The following CDH4 variants were observed in gnomAD, a reference collection of about 807,000 sequenced individuals.
CDH4 encodes the protein cadherin 4.
CDH4 carries 33 observed loss-of-function variants against 86.0 expected under a neutral mutation model. The observed-to-expected ratio is 0.38, with a 90% confidence interval of 0.29 to 0.51. CDH4 has a LOEUF of 0.51. CDH4 is among the 20% of genes least tolerant of loss of function. CDH4 has a pLI of 0.86. For missense variants in CDH4, 1,114 were observed against 1,307.4 expected, an observed-to-expected ratio of 0.85 and a Z score of 2.28; for synonymous variants, 555 against 549.4, an observed-to-expected ratio of 1.01 and a Z score of -0.14.
intron 2 of CDH4, among the ~76,000 whole-genome samples, chr20:61,497,694 A>G (rs1028744617): frequency 3.9e-5 from 6 of 152,190 alleles, no homozygotes; most frequent in African/African-American, 1.4e-4. Context: ...TGACCCAGCC[A>G]TCCTATTACT....
chr20:61,497,973 C>G (rs533314550), intron 2 of CDH4, among the ~76,000 whole-genome samples: 2 of 147,932 alleles, frequency 1.4e-5, no homozygotes, highest in African/African-American at 5.0e-5. Flanking sequence ...AACCAAACAC[C>G]GCATGTTCTC....
intron 2 of CDH4, among the ~76,000 whole-genome samples, chr20:61,574,785 C>T (rs1440525152): frequency 6.6e-6 from 1 of 152,108 alleles, no homozygotes; most frequent in Admixed American, 6.5e-5. Context: ...CTCTGGACCC[C>T]TTATAAAGCT....
Position 61,782,556 on chromosome 20 carries a change from A to G in CDH4, c.576+9374A>G, listed in dbSNP as rs1269121127. ...TTTAAAAAGCTGACTATTTAAAGCAAAAGTACAGCATTGTATTAGGGAGTT... is the reference window on the plus strand; with the variant it reads ...TTTAAAAAGCTGACTATTTAAAGCAGAAGTACAGCATTGTATTAGGGAGTT... On this transcript the variant is annotated intron_variant, in intron 4 of 15. Coordinates refer to ENST00000614565, the MANE Select transcript of CDH4 (RefSeq NM_001794.5). 5.3e-5 allele frequency among the ~76,000 whole-genome samples: 8 copies of G among 152,342 alleles called. No homozygotes were observed. The East Asian group carries it at 1.5e-3, about 29-fold the overall frequency.
chr20:61,509,519 TG>T (rs1276102853), intron 2 of CDH4, among the ~76,000 whole-genome samples: 1 of 145,226 alleles, frequency 6.9e-6, no homozygotes, highest in Non-Finnish European at 1.5e-5. Context: ...AAGCCGAGCA[TG>T]TGAATGTTGA....
At chr20:61,569,867 C>T (rs566584284) in intron 2 of CDH4, among the ~76,000 whole-genome samples, 4 of 152,268 alleles carry the variant, frequency 2.6e-5, no homozygotes, top group South Asian at 2.1e-4. Context: ...GCAGTTTAGG[C>T]GCGGCTGATG....
At chr20:61,631,873 CG>C (rs936150099) in intron 2 of CDH4, among the ~76,000 whole-genome samples, 3 of 152,230 alleles carry the variant, frequency 2.0e-5, no homozygotes, top group Admixed American at 6.5e-5. Context: ...CCTCAGGAGG[CG>C]TGTCCTCCCT....
rs529280120 is a variant in CDH4, at chr20:61,258,871, A to G, written c.169+3934A>G. On this transcript the variant is annotated intron_variant, in intron 2 of 15. Coordinates refer to ENST00000614565, the MANE Select transcript of CDH4 (RefSeq NM_001794.5). The stretch of plus-strand genomic sequence containing the variant: ...ACCATCTGCATTTCTTCCCTGTACC[A>G]GGAAGACAAACACTTTCTCAGAATC... Among the ~76,000 whole-genome samples the G allele has an allele frequency of 1.8e-4, 28 of 152,362 alleles. No individual in the cohort carries two copies. The South Asian group carries it at 5.0e-3, about 27-fold the overall frequency.
chr20:61,876,327 C>T (rs1370763433), intron 7 of CDH4, among the ~76,000 whole-genome samples: 1 of 152,244 alleles, frequency 6.6e-6, no homozygotes, highest in Non-Finnish European at 1.5e-5. Context: ...TCCGATGGGG[C>T]CTCGCCGTCC....
At chr20:61,697,116 G>A (rs550999888) in intron 2 of CDH4, among the ~76,000 whole-genome samples, 11 of 152,272 alleles carry the variant, frequency 7.2e-5, no homozygotes, top group Admixed American at 3.3e-4. Context: ...CAGCAGCCCC[G>A]GGAAGCTAAC....
intron 3 of CDH4, among the ~76,000 whole-genome samples, chr20:61,761,109 A>G (rs2088627673): frequency 6.6e-6 from 1 of 152,222 alleles, no homozygotes; most frequent in South Asian, 2.1e-4. Context: ...AGGTACACCG[A>G]AAAGGAAATA....
chr20:61,638,125 A>C (rs1243389584), intron 2 of CDH4, among the ~76,000 whole-genome samples: 9 of 152,208 alleles, frequency 5.9e-5, no homozygotes, highest in Non-Finnish European at 8.8e-5. Context: ...AAAAATCTGA[A>C]AAAGAACAGC....
At chr20:61,535,825 G>A (rs1330486747) in intron 2 of CDH4, among the ~76,000 whole-genome samples, 1 of 152,188 alleles carries the variant, frequency 6.6e-6, no homozygotes, top group East Asian at 1.9e-4. Flanking sequence ...TTCAGTGCCG[G>A]TCCTTTGGGC....
chr20:61,757,208 C>T (rs949662515), intron 3 of CDH4, among the ~76,000 whole-genome samples: 8 of 151,716 alleles, frequency 5.3e-5, no homozygotes, highest in Non-Finnish European at 1.0e-4. Context: ...TATCTCCACG[C>T]GTGTTTCTCC....
intron 2 of CDH4, among the ~76,000 whole-genome samples, chr20:61,687,797 G>C (rs1369693435): frequency 1.3e-5 from 2 of 152,026 alleles, no homozygotes; most frequent in Admixed American, 6.6e-5. Context: ...TGTGGTCCGC[G>C]GACTACAATT....
At chr20:61,923,083 C>T (rs1026297829) in intron 9 of CDH4, among the ~76,000 whole-genome samples, 1 of 152,228 alleles carries the variant, frequency 6.6e-6, no homozygotes, top group Non-Finnish European at 1.5e-5. Flanking sequence ...CGTCAGGAGC[C>T]TTCCCCACAC....
intron 7 of CDH4, among the ~76,000 whole-genome samples, chr20:61,888,572 C>A (rs148695194): frequency 1.3e-3 from 197 of 152,364 alleles, no homozygotes; most frequent in African/African-American, 4.4e-3. Context: ...AGGCCTCAGG[C>A]CCAGCGAATG....
At chr20:61,756,488 C>A (rs2088566306) in intron 3 of CDH4, among the ~76,000 whole-genome samples, 1 of 151,896 alleles carries the variant, frequency 6.6e-6, no homozygotes, top group African/African-American at 2.4e-5. Context: ...TCACATGGTC[C>A]ATATCCCCTA....
intron 2 of CDH4, among the ~76,000 whole-genome samples, chr20:61,637,849 C>T (rs1367539657): frequency 6.6e-6 from 1 of 151,922 alleles, no homozygotes; most frequent in Admixed American, 6.6e-5. Flanking sequence ...GGTGAAACCC[C>T]ATCTCTACTA....
rs564572348 is a variant in CDH4, at chr20:61,635,838, C to T, written c.170-107725C>T. 1.8e-3 allele frequency among the ~76,000 whole-genome samples: 275 copies of T among 152,158 alleles called. 3 individuals are homozygous for T. The highest frequency in any genetic ancestry group is 6.1e-3 in the African/African-American group (253 of 41,526). On this transcript the variant is annotated intron_variant, in intron 2 of 15. Transcript: ENST00000614565. ...CCCCACTGTGCTCCCAGAGCCTGCCCGCCCATAGTTGGTCCTGCTAGACTC... is the reference window on the plus strand; with the variant it reads ...CCCCACTGTGCTCCCAGAGCCTGCCTGCCCATAGTTGGTCCTGCTAGACTC...
Sources: gnomAD v4.1 joint callset for allele counts (sites outside exome capture counted in the v4.1 genomes callset) on GRCh38, gnomAD v4.1.1 for gene constraint, MANE v1.5 for transcripts, NCBI Gene and HGNC (gene_info 2026-07-23, HGNC 2026-07-21) for gene names.